The following STK39 variants were observed in gnomAD, a reference collection of about 807,000 sequenced individuals.
STK39 encodes the protein serine/threonine kinase 39.
Under a neutral mutation model 77.8 loss-of-function variants are expected in STK39, and 20 were observed. The observed-to-expected ratio is 0.26, with a 90% confidence interval of 0.18 to 0.37. The LOEUF (loss-of-function observed/expected upper bound fraction) is 0.37. STK39 is among the 10% of genes least tolerant of loss of function. The pLI, the probability that STK39 is intolerant of heterozygous loss-of-function variation, is 1.00. For missense variants in STK39, 479 were observed against 656.5 expected, an observed-to-expected ratio of 0.73 and a Z score of 2.95; for synonymous variants, 246 against 234.1, an observed-to-expected ratio of 1.05 and a Z score of -0.47.
At chr2:168,065,644 C>T (rs75172895) in intron 12 of STK39, among the ~76,000 whole-genome samples, 9,154 of 152,102 alleles carry the variant, frequency 0.06, 456 homozygotes, top group East Asian at 0.19. Context: ...CCAAATAACC[C>T]TCATTATACT....
chr2:168,243,791 T>C (rs1690832489), intron 1 of STK39, among the ~76,000 whole-genome samples: 1 of 152,206 alleles, frequency 6.6e-6, no homozygotes, highest in African/African-American at 2.4e-5. Context: ...ATTCCCTGTT[T>C]AGCAAATCTA....
chr2:168,119,541 A>G (rs758323730), intron 10 of STK39, among the ~76,000 whole-genome samples: 2 of 152,204 alleles, frequency 1.3e-5, no homozygotes, highest in African/African-American at 2.4e-5. Context: ...TCTCCTGCCC[A>G]GTAAAGTAGC....
chr2:168,221,430 A>G (rs1003993726), intron 1 of STK39, among the ~76,000 whole-genome samples: 16 of 152,168 alleles, frequency 1.1e-4, no homozygotes, highest in Non-Finnish European at 1.5e-4. Context: ...ACTAAACTTC[A>G]AAAACTTTTT....
At chr2:168,178,822 C>G (rs144624530) in intron 2 of STK39, among the ~76,000 whole-genome samples, 2 of 152,296 alleles carry the variant, frequency 1.3e-5, no homozygotes, top group Non-Finnish European at 2.9e-5. Context: ...CTACAGGAAA[C>G]TCAACTGACA....
At chr2:168,063,312 T>C (rs188555193) in intron 14 of STK39, among the ~76,000 whole-genome samples, 188 bp downstream of exon 14, 23 of 152,338 alleles carry the variant, frequency 1.5e-4, no homozygotes, top group Admixed American at 2.6e-4. Flanking sequence ...TTTTCTTTCT[T>C]ACTCTTCTTT....
chr2:168,065,710 T>G (rs953562376), intron 12 of STK39, among the ~76,000 whole-genome samples: 1 of 152,176 alleles, frequency 6.6e-6, no homozygotes, highest in Admixed American at 6.5e-5. Context: ...TGTTTTAAAT[T>G]TGATAACCAA....
intron 10 of STK39, among the ~76,000 whole-genome samples, chr2:168,119,970 CT>C (rs1687362829): frequency 6.6e-6 from 1 of 152,160 alleles, no homozygotes; most frequent in Non-Finnish European, 1.5e-5. Flanking sequence ...TTGGTTAAGG[CT>C]CGACCTCCTT....
At chr2:168,114,921 C>T (rs1687219954) in intron 10 of STK39, among the ~76,000 whole-genome samples, 1 of 152,214 alleles carries the variant, frequency 6.6e-6, no homozygotes. Flanking sequence ...CCTTGTAACA[C>T]TGCACACTCG....
intron 17 of STK39, 141 bp from the exon 18 acceptor site, chr2:167,955,711 C>T: frequency 4.0e-6 from 3 of 742,718 alleles, no homozygotes; most frequent in Non-Finnish European, 6.7e-6. Context: ...AGAGAGACGC[C>T]AGCCACTCTC....
chr2:168,121,950 C>G (rs998066906), intron 10 of STK39, among the ~76,000 whole-genome samples: 1 of 152,222 alleles, frequency 6.6e-6, no homozygotes, highest in African/African-American at 2.4e-5. Context: ...GTTTCCAGAC[C>G]AGGCATAGAG....
At chr2:168,033,317 T>C (rs1031820960) in intron 14 of STK39, among the ~76,000 whole-genome samples, 3 of 151,946 alleles carry the variant, frequency 2.0e-5, no homozygotes, top group Admixed American at 1.3e-4. Flanking sequence ...CTATGCTCAA[T>C]AGAGGAAATA....
rs570634400 is a variant in STK39, at chr2:168,209,708, A to G, written c.209-27618T>C. Among the ~76,000 whole-genome samples the G allele has an allele frequency of 3.4e-5, 5 of 147,438 alleles. No homozygotes were observed. In the South Asian group the frequency reaches 6.6e-4, roughly 19 times the overall value. Reference sequence around the variant, plus strand: ...GAAACAAACGAAAAGAAAGAAACTAATGTAATTAGGCTGGGTGCGGAGGCT... The same window carrying G: ...GAAACAAACGAAAAGAAAGAAACTAGTGTAATTAGGCTGGGTGCGGAGGCT... On this transcript the variant is annotated intron_variant, in intron 1 of 17. Coordinates refer to ENST00000355999, the MANE Select transcript of STK39 (RefSeq NM_013233.3).
intron 1 of STK39, among the ~76,000 whole-genome samples, chr2:168,217,670 G>C (rs533749917): frequency 7.2e-5 from 11 of 152,206 alleles, no homozygotes; most frequent in African/African-American, 2.2e-4. Context: ...ATCATGTCTA[G>C]AGTAATACCT....
chr2:168,199,379 AGG>A, intron 1 of STK39, among the ~76,000 whole-genome samples: 1 of 152,252 alleles, frequency 6.6e-6, no homozygotes, highest in Non-Finnish European at 1.5e-5. Flanking sequence ...ACACCATCAC[AGG>A]AGAAACTGGA....
intron 1 of STK39, among the ~76,000 whole-genome samples, chr2:168,241,388 C>T (rs1574587379): frequency 6.6e-6 from 1 of 152,206 alleles, no homozygotes; most frequent in Non-Finnish European, 1.5e-5. Flanking sequence ...AGGTTGTTCT[C>T]GGAGCCCTCT....
At chr2:168,046,080 C>T (rs951812378) in intron 14 of STK39, among the ~76,000 whole-genome samples, 2 of 152,082 alleles carry the variant, frequency 1.3e-5, no homozygotes, top group Non-Finnish European at 2.9e-5. Context: ...AGAAAACTAG[C>T]AAGATGGCCA....
intron 1 of STK39, among the ~76,000 whole-genome samples, chr2:168,192,413 T>TA (rs997095373): frequency 3.3e-5 from 5 of 152,108 alleles, no homozygotes; most frequent in African/African-American, 1.2e-4. Flanking sequence ...GCCAGGCTTT[T>TA]AAAAAAAATT....
At chr2:168,116,592 A>G (rs2390636) in intron 10 of STK39, among the ~76,000 whole-genome samples, 35,909 of 152,092 alleles carry the variant, frequency 0.24, 4,457 homozygotes, top group Admixed American at 0.32. Flanking sequence ...TAAAACAAGC[A>G]GACTCCCGAC....
chr2:168,106,143 G>T (rs1484711869), intron 10 of STK39, among the ~76,000 whole-genome samples: 1 of 152,176 alleles, frequency 6.6e-6, no homozygotes. Context: ...ACTCCAGTAT[G>T]TTTTTAAAGT....
Sources: gnomAD v4.1 joint callset for allele counts (sites outside exome capture counted in the v4.1 genomes callset) on GRCh38, gnomAD v4.1.1 for gene constraint, MANE v1.5 for transcripts, NCBI Gene and HGNC (gene_info 2026-07-23, HGNC 2026-07-21) for gene names.